Variants in VAV2 observed in about 807,000 individuals in gnomAD.
The protein encoded by VAV2 is vav guanine nucleotide exchange factor 2.
In VAV2, 67 loss-of-function variants were observed where a neutral mutation model predicts 132.5. That is an observed-to-expected ratio of 0.51 (90% CI 0.42 to 0.62). VAV2 has a LOEUF of 0.62. VAV2 is among the 20% of genes least tolerant of loss of function. The pLI is 0.00. For synonymous variants in VAV2, 492 were observed against 443.5 expected (o/e 1.11, Z -1.37); for missense variants, 938 against 1,153.6 (o/e 0.81, Z 2.71).
chr9:133,923,224 G>A (rs971482769), intron 2 of VAV2, among the ~76,000 whole-genome samples: 4 of 152,156 alleles, frequency 2.6e-5, no homozygotes, highest in Admixed American at 6.5e-5. Context: ...TGGGAGCCCC[G>A]CTCACAGCTG....
At chr9:133,803,249 C>CAGA (rs1835006577) in intron 9 of VAV2, among the ~76,000 whole-genome samples, 1 of 152,206 alleles carries the variant, frequency 6.6e-6, no homozygotes, top group Non-Finnish European at 1.5e-5. Flanking sequence ...TCGTTCTGTT[C>CAGA]TGCATTCCTC....
intron 1 of VAV2, among the ~76,000 whole-genome samples, chr9:133,973,441 C>G (rs1022529776): frequency 5.3e-5 from 8 of 152,208 alleles, no homozygotes; most frequent in Non-Finnish European, 1.2e-4. Flanking sequence ...ATCCTGTCAC[C>G]CCGGCATCCC....
At chr9:133,983,654 C>T (rs1487131188) in intron 1 of VAV2, among the ~76,000 whole-genome samples, 4 of 152,164 alleles carry the variant, frequency 2.6e-5, no homozygotes, top group Non-Finnish European at 5.9e-5. Context: ...TCTCTCTCTT[C>T]GCCAACGCCA....
At chr9:133,811,404 T>C (rs1041918274) in intron 5 of VAV2, among the ~76,000 whole-genome samples, 4 of 152,216 alleles carry the variant, frequency 2.6e-5, no homozygotes, top group Non-Finnish European at 4.4e-5. Flanking sequence ...TCCTATTTCT[T>C]TGGGGGAAGC....
At chr9:133,854,261 A>G (rs886929608) in intron 3 of VAV2, among the ~76,000 whole-genome samples, 1 of 145,414 alleles carries the variant, frequency 6.9e-6, no homozygotes, top group Non-Finnish European at 1.5e-5. Context: ...ATCTGCACAC[A>G]CACACGCACA....
intron 1 of VAV2, among the ~76,000 whole-genome samples, chr9:133,964,046 T>TGTA (rs1564507613): frequency 4.9e-4 from 43 of 87,880 alleles, no homozygotes; most frequent in Non-Finnish European, 6.9e-4. Context: ...TATATATATA[T>TGTA]ATACATATAT....
At chr9:133,944,921 G>C (rs756511190) in intron 1 of VAV2, among the ~76,000 whole-genome samples, 4 of 152,210 alleles carry the variant, frequency 2.6e-5, no homozygotes, top group Non-Finnish European at 5.9e-5. Flanking sequence ...CTGGCACAGA[G>C]CTCCAGGCCC....
rs545070809 is a variant in VAV2, at chr9:133,987,502, C to A, written c.204+4573G>T. ...TCAAAAAGGCCCGGAGGGGGGGATGCCAAAACCATCGCCAGGCTGGCGTGT... is the reference window on the plus strand; with the variant it reads ...TCAAAAAGGCCCGGAGGGGGGGATGACAAAACCATCGCCAGGCTGGCGTGT... On this transcript the variant is annotated intron_variant, in intron 1 of 29. Transcript: ENST00000371850. Among the ~76,000 whole-genome samples the A allele has an allele frequency of 7.2e-4, 110 of 152,342 alleles. 2 individuals carry two copies. The highest frequency in any genetic ancestry group is 6.1e-3 in the Admixed American group (93 of 15,300).
rs1834082167 is a variant in VAV2 at position 133,783,416 on chromosome 9, T to G, written c.1723+87A>C. The stretch of plus-strand genomic sequence containing the variant: ...CTGGTCGCTGCCCCGTGGGAGATGG[T>G]GCCCGAGGCCCGTACCCAGGTGGTA... On this transcript the variant is annotated intron_variant, in intron 19 of 29. Transcript: ENST00000371850. 5.9e-6 allele frequency: 8 copies of G among 1,349,796 alleles called. No homozygotes were observed. In the South Asian group the frequency reaches 7.0e-5, roughly 12 times the overall value. The allele number at this position is 1,349,796 out of a possible 1,614,324, so 83.6% of individuals were successfully genotyped here. A position where few individuals can be genotyped will look rare whatever the true frequency, so the allele number is the denominator to read the frequency against.
rs745903086 is a variant in VAV2, at chr9:133,885,876, A to T, written c.322-24444T>A. On this transcript the variant is annotated intron_variant, in intron 2 of 29. Transcript: ENST00000371850. This position sits in a 1 kb window ranked among gnomAD's most constrained non-coding sequence, Gnocchi z 5.0. ...CTGGGACGGCCCATTGGTGACAACC[A>T]AACTCAGGTGTTCCTGAGTGTTCCT... Among the ~76,000 whole-genome samples, 1 of 152,208 alleles carries T rather than the reference A, an allele frequency of 6.6e-6. No homozygotes were observed. The highest frequency in any genetic ancestry group is 1.5e-5 in the Non-Finnish European group (1 of 68,040).
At chr9:133,783,671 C>T in intron 18 of VAV2, 80 bp from the exon 19 acceptor site, 1 of 1,347,536 alleles carries the variant, frequency 7.4e-7, no homozygotes. Context: ...AGGCCCTTGT[C>T]CCCACCCAGG....
Position 133,957,606 on chromosome 9 carries a change from G to A in VAV2, c.205-18387C>T, listed in dbSNP as rs141005425. Among the ~76,000 whole-genome samples, 92 of 152,214 alleles carry A rather than the reference G, an allele frequency of 6.0e-4. 3 individuals are homozygous for A. The East Asian group carries it at 9.5e-3, about 16-fold the overall frequency. On this transcript the variant is annotated intron_variant, in intron 1 of 29. Coordinates refer to ENST00000371850, the MANE Select transcript of VAV2 (RefSeq NM_001134398.2). ...TGGTACCTTCCAGGGCAAGAGGGAC[G>A]TCATCCCCGTGGGCAGAGCAGGAAA...
intron 1 of VAV2, among the ~76,000 whole-genome samples, chr9:133,974,176 T>G (rs1842431512): frequency 6.6e-6 from 1 of 151,654 alleles, no homozygotes. Flanking sequence ...ACACTGCCTG[T>G]GTGGTATCTG....
chr9:133,949,439 GCCTTTGACTGT>G (rs1841482011), intron 1 of VAV2, among the ~76,000 whole-genome samples: 1 of 152,214 alleles, frequency 6.6e-6, no homozygotes, highest in Non-Finnish European at 1.5e-5. Context: ...AGGGCTCTGA[GCCTTTGACTGT>G]GCTGTTCCAG....
intron 2 of VAV2, among the ~76,000 whole-genome samples, chr9:133,916,814 C>A (rs1840108661): frequency 6.6e-6 from 1 of 150,780 alleles, no homozygotes. Context: ...CTGTTTAGGT[C>A]AAGGGGTGTG....
Position 133,768,597 on chromosome 9 carries a change from CT to C in VAV2, c.2435-2del. The C allele has an allele frequency of 6.2e-7, 1 of 1,613,248 alleles. No homozygotes were observed. The stretch of plus-strand genomic sequence containing the variant: ...GTGCCGATGACGCGGGGCGTGAACA[CT>C]GTTGAGGGAGATGGGCAGCATCACA... On this transcript the variant is annotated splice_acceptor_variant, in intron 28 of 29. Transcript: ENST00000371850. LOFTEE classifies it high-confidence loss of function. The surrounding 1 kb of genome is among the most constrained non-coding windows in gnomAD (Gnocchi z 5.3).
chr9:133,930,534 C>A (rs1051325473), intron 2 of VAV2, among the ~76,000 whole-genome samples: 1 of 152,268 alleles, frequency 6.6e-6, no homozygotes, highest in Non-Finnish European at 1.5e-5. Flanking sequence ...AACTGTGCTG[C>A]GTGCAACAGC....
intron 3 of VAV2, among the ~76,000 whole-genome samples, chr9:133,854,317 C>A (rs898685810): frequency 2.0e-5 from 3 of 151,850 alleles, no homozygotes; most frequent in African/African-American, 4.8e-5. Flanking sequence ...GCACACACAC[C>A]CCCATGTGCA....
rs1834617889 is a variant in VAV2 at position 133,794,301 on chromosome 9, G to A, written c.1101+1367C>T. ...GAGAAAGTTCTGTCAGCCCGTCATGGCAGGAGGCTTTCCTGGAGCATTCCT... is the reference window on the plus strand; with the variant it reads ...GAGAAAGTTCTGTCAGCCCGTCATGACAGGAGGCTTTCCTGGAGCATTCCT... On this transcript the variant is annotated intron_variant, in intron 12 of 29. Transcript: ENST00000371850. This position sits in a 1 kb window ranked among gnomAD's most constrained non-coding sequence, Gnocchi z 4.6. 6.6e-6 allele frequency among the ~76,000 whole-genome samples: 1 copy of A among 152,110 alleles called. No individual in the cohort carries two copies. Among genetic ancestry groups the A allele is most frequent in the South Asian group, 2.1e-4 (1 of 4,826 alleles).
Sources: gnomAD v4.1 joint callset for allele counts (sites outside exome capture counted in the v4.1 genomes callset) on GRCh38, gnomAD v4.1.1 for gene constraint, Gnocchi (gnomAD v3.1) non-coding constraint, MANE v1.5 for transcripts, NCBI Gene and HGNC (gene_info 2026-07-23, HGNC 2026-07-21) for gene names.